The following CTNNA2 variants were observed in gnomAD, a reference collection of about 807,000 sequenced individuals.
The protein encoded by CTNNA2 is catenin alpha-2.
A neutral mutation model predicts 101.0 loss-of-function variants in CTNNA2; 42 were observed. The ratio of observed to expected loss-of-function variants is 0.42; its 90% CI spans 0.32 to 0.54. The LOEUF is 0.54. CTNNA2 is among the 20% of genes least tolerant of loss of function. CTNNA2 has a pLI of 0.14. For synonymous variants in CTNNA2, 450 were observed against 456.4 expected (o/e 0.99, Z 0.18); for missense variants, 871 against 1,223.1 (o/e 0.71, Z 4.29).
At chr2:80,253,055 C>T (rs1235073567) in intron 7 of CTNNA2, among the ~76,000 whole-genome samples, 2 of 152,078 alleles carry the variant, frequency 1.3e-5, no homozygotes, top group Non-Finnish European at 2.9e-5. Context: ...CTGCATTTAG[C>T]AAACTTCACT....
chr2:80,468,562 C>T (rs111296354), intron 9 of CTNNA2, among the ~76,000 whole-genome samples: 4,697 of 152,104 alleles, frequency 0.031, 242 homozygotes, highest in African/African-American at 0.11. Flanking sequence ...GGACTACAGG[C>T]GCCTGCCACC....
intron 3 of CTNNA2, among the ~76,000 whole-genome samples, chr2:79,823,761 G>T (rs938328784): frequency 6.6e-6 from 1 of 151,958 alleles, no homozygotes; most frequent in African/African-American, 2.4e-5. Flanking sequence ...ATTGGTAATA[G>T]AAAATGACGT....
At chr2:79,756,878 TC>T (rs1213604700) in intron 3 of CTNNA2, among the ~76,000 whole-genome samples, 1 of 152,214 alleles carries the variant, frequency 6.6e-6, no homozygotes, top group Non-Finnish European at 1.5e-5. Context: ...GATTTTAATA[TC>T]CTTACTAGAA....
intron 9 of CTNNA2, among the ~76,000 whole-genome samples, chr2:80,489,799 A>G (rs577102051): frequency 6.8e-4 from 103 of 152,342 alleles, no homozygotes; most frequent in Middle Eastern, 3.4e-3. Context: ...ATGTTCAGAC[A>G]TGCTGATTGT....
At chr2:79,215,166 G>A (rs1674234455) in intron 2 of CTNNA2, among the ~76,000 whole-genome samples, 2 of 152,188 alleles carry the variant, frequency 1.3e-5, no homozygotes, top group Admixed American at 6.5e-5. Context: ...GCTGCCAGGT[G>A]AGTTGAACAG....
intron 1 of CTNNA2, among the ~76,000 whole-genome samples, chr2:79,195,051 A>G (rs1287210550): frequency 1.3e-5 from 2 of 152,078 alleles, no homozygotes; most frequent in African/African-American, 4.8e-5. Flanking sequence ...ATTGGCATGC[A>G]TTAGTATTCA....
In CTNNA2 at chr2:80,299,950, A is replaced by C. The variant is rs114639689; in HGVS notation, c.1057-93261A>C. On this transcript the variant is annotated intron_variant, in intron 7 of 18. Transcript: ENST00000402739. The stretch of plus-strand genomic sequence containing the variant: ...CACGGAATCCAAGGAGCCCTCCTTC[A>C]GTTGCTACATTTTTTGTTTTCTAAA... 3.2e-3 allele frequency among the ~76,000 whole-genome samples: 482 copies of C among 152,270 alleles called. 1 individual carries two copies. The highest frequency in any genetic ancestry group is 4.2e-3 in the Admixed American group (64 of 15,298).
intron 2 of CTNNA2, among the ~76,000 whole-genome samples, chr2:79,732,943 A>G (rs1236217909): frequency 6.6e-6 from 1 of 152,144 alleles, no homozygotes; most frequent in Admixed American, 6.6e-5. Context: ...AATGAGCCAG[A>G]TTGAGAAGAA....
In CTNNA2 at chr2:80,129,930, A is replaced by T. The variant is rs77241649; in HGVS notation, c.1056+220133A>T. 7.2e-4 allele frequency among the ~76,000 whole-genome samples: 109 copies of T among 152,268 alleles called. No homozygotes were observed. In the East Asian group the frequency reaches 0.021, roughly 29 times the overall value. Reference sequence around the variant, plus strand: ...AAGTCCTGGGGATTTTGTGATTATGATGAGAGTCAGAACTGAAATCTAAAT... The same window carrying T: ...AAGTCCTGGGGATTTTGTGATTATGTTGAGAGTCAGAACTGAAATCTAAAT... On this transcript the variant is annotated intron_variant, in intron 7 of 18. Coordinates refer to ENST00000402739, the MANE Select transcript of CTNNA2 (RefSeq NM_001282597.3).
At chr2:80,488,232 T>C (rs915362193) in intron 9 of CTNNA2, among the ~76,000 whole-genome samples, 6 of 152,218 alleles carry the variant, frequency 3.9e-5, no homozygotes, top group Non-Finnish European at 7.3e-5. Flanking sequence ...TAAATTGAGA[T>C]TCTGTTCTTG....
At chr2:80,226,750 G>A (rs1161497621) in intron 7 of CTNNA2, among the ~76,000 whole-genome samples, 2 of 152,048 alleles carry the variant, frequency 1.3e-5, no homozygotes, top group Non-Finnish European at 2.9e-5. Flanking sequence ...TGACTCTGGG[G>A]GCCAAAGGGA....
chr2:79,887,417 C>T (rs531999263), intron 6 of CTNNA2, among the ~76,000 whole-genome samples: 1 of 152,252 alleles, frequency 6.6e-6, no homozygotes, highest in East Asian at 1.9e-4. Flanking sequence ...ATTATGAAAT[C>T]TTGAGAAATT....
At chr2:80,630,641 T>G (rs902314023) in intron 18 of CTNNA2, among the ~76,000 whole-genome samples, 2 of 151,878 alleles carry the variant, frequency 1.3e-5, no homozygotes, top group African/African-American at 4.8e-5. Context: ...GTCTCAAAAA[T>G]AAATAAATAA....
At chr2:79,556,421 T>G (rs2685162) in intron 1 of CTNNA2, among the ~76,000 whole-genome samples, 1 of 151,808 alleles carries the variant, frequency 6.6e-6, no homozygotes, top group Admixed American at 6.6e-5. Flanking sequence ...AGCACTTTTA[T>G]TCTTGGTTCA....
intron 7 of CTNNA2, among the ~76,000 whole-genome samples, chr2:80,001,999 TC>T (rs1224173443): frequency 2.0e-5 from 3 of 152,228 alleles, no homozygotes; most frequent in Admixed American, 1.3e-4. Context: ...TCTCTGTACT[TC>T]CAAGTTATCT....
intron 3 of CTNNA2, among the ~76,000 whole-genome samples, chr2:79,328,712 C>T (rs1377836767): frequency 6.6e-6 from 1 of 152,104 alleles, no homozygotes; most frequent in Non-Finnish European, 1.5e-5. Flanking sequence ...GAAAGAAAGT[C>T]CTATTACAAT....
At chr2:80,636,403 A>C (rs1315064728) in intron 18 of CTNNA2, among the ~76,000 whole-genome samples, 2 of 152,122 alleles carry the variant, frequency 1.3e-5, no homozygotes, top group South Asian at 2.1e-4. Context: ...AGGGAACCCA[A>C]GTGTTTGTGT....
chr2:79,420,399 A>G (rs1325647874), intron 4 of CTNNA2, among the ~76,000 whole-genome samples: 1 of 152,180 alleles, frequency 6.6e-6, no homozygotes, highest in African/African-American at 2.4e-5. Context: ...GACAAGAAAC[A>G]CAAAAATAAC....
intron 7 of CTNNA2, among the ~76,000 whole-genome samples, chr2:80,030,969 T>A (rs1695248192): frequency 6.6e-6 from 1 of 152,226 alleles, no homozygotes; most frequent in Non-Finnish European, 1.5e-5. Flanking sequence ...TATCCAGTGA[T>A]GGAAATGATG....
Sources: allele counts gnomAD v4.1 joint callset (sites outside exome capture counted in the v4.1 genomes callset), GRCh38; gene constraint gnomAD v4.1.1; transcripts MANE v1.5; gene names NCBI Gene and HGNC (gene_info 2026-07-23, HGNC 2026-07-21).